The following SMAD6 variants were observed in gnomAD, a reference collection of about 807,000 sequenced individuals.
SMAD6 encodes MAD homolog 6.
SMAD6 carries 103 observed loss-of-function variants against 39.4 expected under a neutral mutation model. That is an observed-to-expected ratio of 2.62 (90% CI 2.23 to 3.08). SMAD6 has a LOEUF of 3.08. Among genes scored for constraint, SMAD6 ranks in the 30% most tolerant of loss-of-function variants. The pLI, the probability that SMAD6 is intolerant of heterozygous loss-of-function variation, is 0.00. For synonymous variants in SMAD6, 445 were observed against 353.3 expected, an observed-to-expected ratio of 1.26 and a Z score of -2.91; for missense variants, 1,104 against 742.9, an observed-to-expected ratio of 1.49 and a Z score of -5.65.
rs571670556 is a variant in SMAD6 at position 66,726,564 on chromosome 15, G to T, written c.952+10066G>T. On this transcript the variant is annotated intron_variant, in intron 3 of 3. Transcript: ENST00000288840. The stretch of plus-strand genomic sequence containing the variant: ...AGACCCTGTCTCCTGCTACCTGGCT[G>T]CCCAGCTGTCTTAGCTGCATTCTCC... 6.6e-5 allele frequency among the ~76,000 whole-genome samples: 10 copies of T among 152,310 alleles called. No homozygotes were observed. In the East Asian group the frequency reaches 1.9e-3, roughly 29 times the overall value.
intron 3 of SMAD6, among the ~76,000 whole-genome samples, 192 bp downstream of exon 3, chr15:66,716,690 T>C (rs946910003): frequency 3.3e-5 from 5 of 152,204 alleles, no homozygotes; most frequent in Non-Finnish European, 7.3e-5. Flanking sequence ...TCTGTATGAG[T>C]GAAACCTGAA....
At chr15:66,760,682 G>T (rs767670992) in intron 3 of SMAD6, among the ~76,000 whole-genome samples, 16 of 152,142 alleles carry the variant, frequency 1.1e-4, no homozygotes, top group African/African-American at 3.9e-4. Flanking sequence ...CCACAGGGAG[G>T]TGCACACTGT....
chr15:66,778,050 C>T (rs1346417152), intron 3 of SMAD6, among the ~76,000 whole-genome samples: 2 of 151,450 alleles, frequency 1.3e-5, no homozygotes, highest in African/African-American at 4.9e-5. Flanking sequence ...GGAAGTCCCA[C>T]CTGTCCTTGA....
intron 2 of SMAD6, among the ~76,000 whole-genome samples, chr15:66,714,337 G>A (rs1337817025): frequency 6.6e-6 from 1 of 151,982 alleles, no homozygotes; most frequent in African/African-American, 2.4e-5. Context: ...CCCACCACCT[G>A]TTTTTATATG....
chr15:66,763,213 C>G (rs939435875), intron 3 of SMAD6, among the ~76,000 whole-genome samples: 2 of 152,330 alleles, frequency 1.3e-5, no homozygotes, highest in Non-Finnish European at 2.9e-5. Context: ...GCCTGACTCC[C>G]TGCCCAAGGT....
rs769605183 is a variant in SMAD6 at position 66,703,331 on chromosome 15, GGCGGCA to G, written c.79_84del (p.Ser27_Gly28del). ...TCGTGTGGTCCCCGACCGGGAGGAAGGCGGCAGCGGCGGCGGCGGTGGCGGCGACGA... is the reference window on the plus strand; with the variant it reads ...TCGTGTGGTCCCCGACCGGGAGGAAGGCGGCGGCGGCGGTGGCGGCGACGA... On this transcript the variant is annotated inframe_deletion, in exon 1 of 4. Coordinates refer to ENST00000288840, the MANE Select transcript of SMAD6 (RefSeq NM_005585.5). The G allele has an allele frequency of 5.5e-4, 822 of 1,485,660 alleles. No homozygotes were observed. The highest frequency in any genetic ancestry group is 9.1e-4 in the Admixed American group (38 of 41,978). The allele number at this position is 1,485,660 out of a possible 1,614,324, so 92.0% of individuals were successfully genotyped here. A position where few individuals can be genotyped will look rare whatever the true frequency, so the allele number is the denominator to read the frequency against.
intron 3 of SMAD6, among the ~76,000 whole-genome samples, chr15:66,780,460 T>G (rs909361725): frequency 9.2e-5 from 14 of 152,176 alleles, no homozygotes; most frequent in African/African-American, 3.1e-4. Flanking sequence ...TCTGTCAGGT[T>G]GAGACTTGGA....
rs776151817 is a variant in SMAD6 at position 66,703,234 on chromosome 15, C to T, written c.-25C>T. On this transcript the variant is annotated 5_prime_UTR_variant, in exon 1 of 4. Coordinates refer to ENST00000288840, the MANE Select transcript of SMAD6 (RefSeq NM_005585.5). ...CGGTAACCGGAGACCGCCTCCCCCC[C>T]ACCCCTGGCGCCAAAGGATATCGTA... is the stretch of plus-strand genomic sequence containing the variant. The T allele has an allele frequency of 1.8e-4, 240 of 1,366,558 alleles. No individual in the cohort carries two copies. Among genetic ancestry groups the T allele is most frequent in the Non-Finnish European group, 2.0e-4 (213 of 1,052,296 alleles). The allele number at this position is 1,366,558 out of a possible 1,614,324, so 84.7% of individuals were successfully genotyped here. A position where few individuals can be genotyped will look rare whatever the true frequency, so the allele number is the denominator to read the frequency against.
At chr15:66,708,041 C>G (rs1198003263) in intron 1 of SMAD6, 1 of 152,340 alleles carries the variant, frequency 6.6e-6, no homozygotes, top group East Asian at 1.9e-4. Context: ...GGTGCACTGG[C>G]CCCTGGCTGA....
intron 3 of SMAD6, among the ~76,000 whole-genome samples, chr15:66,756,350 C>T (rs949375937): frequency 6.6e-6 from 1 of 152,094 alleles, no homozygotes; most frequent in Non-Finnish European, 1.5e-5. Context: ...CAGGCCAGCC[C>T]GTGGCTTTTC....
intron 3 of SMAD6, among the ~76,000 whole-genome samples, chr15:66,744,953 T>C (rs1893882282): frequency 6.6e-6 from 1 of 152,174 alleles, no homozygotes. Flanking sequence ...TTGCCAAGAA[T>C]CTGGGTGCCT....
Position 66,781,536 on chromosome 15 carries a change from T to C in SMAD6, c.*1T>C. On this transcript the variant is annotated 3_prime_UTR_variant, in exon 4 of 4. Transcript: ENST00000288840. ...GATCCTCCTCAACAACCCCAGATAG[T>C]GGCGGCCCCGGCGGGAGGGGCGGGT... is the stretch of plus-strand genomic sequence containing the variant. The C allele has an allele frequency of 8.9e-7, 1 of 1,123,092 alleles. No individual in the cohort carries two copies. The highest frequency in any genetic ancestry group is 1.2e-6 in the Non-Finnish European group (1 of 831,732). The allele number at this position is 1,123,092 out of a possible 1,614,324, so 69.6% of individuals were successfully genotyped here.
At chr15:66,735,952 G>A (rs1595778553) in intron 3 of SMAD6, among the ~76,000 whole-genome samples, 2 of 152,206 alleles carry the variant, frequency 1.3e-5, no homozygotes, top group Admixed American at 6.5e-5. Context: ...CGGTATCCGC[G>A]ACATGGGTGT....
In SMAD6 at chr15:66,781,400, C is replaced by T. The variant is rs1266588396; in HGVS notation, c.1356C>T (p.Pro452=). The change falls in exon 4 of 4, where the codon CCC becomes CCT. Residue 452 remains proline (P), a synonymous_variant. Coordinates refer to ENST00000288840, the MANE Select transcript of SMAD6 (RefSeq NM_005585.5). ...ERSGLQHAPE[P]DAADGPYDPN... is the part of the protein sequence containing the mutation. ...CGGGCCTGCAGCACGCGCCCGAGCC[C>T]GACGCCGCCGACGGCCCCTACGACC... 1.2e-5 allele frequency: 20 copies of T among 1,602,712 alleles called. No individual in the cohort carries two copies. The highest frequency in any genetic ancestry group is 2.2e-5 in the South Asian group (2 of 90,944).
At chr15:66,716,930 C>T (rs950892003) in intron 3 of SMAD6, 6 of 1,236,346 alleles carry the variant, frequency 4.9e-6, no homozygotes, top group Non-Finnish European at 6.3e-6. Context: ...GGAATTGGAG[C>T]CGGTTGAATG....
chr15:66,767,542 TGCACAGTA>T (rs1359769489), intron 3 of SMAD6, among the ~76,000 whole-genome samples: 5 of 152,152 alleles, frequency 3.3e-5, no homozygotes, highest in Non-Finnish European at 5.9e-5. Context: ...TCAACTTGCC[TGCACAGTA>T]GCACAGTCAC....
At chr15:66,713,597 C>T (rs1893273233) in intron 2 of SMAD6, among the ~76,000 whole-genome samples, 1 of 152,218 alleles carries the variant, frequency 6.6e-6, no homozygotes, top group South Asian at 2.1e-4. Context: ...GGATTACAGG[C>T]GTGAGCCACT....
chr15:66,743,141 C>G (rs1388673405), intron 3 of SMAD6, among the ~76,000 whole-genome samples: 1 of 152,168 alleles, frequency 6.6e-6, no homozygotes, highest in African/African-American at 2.4e-5. Flanking sequence ...GATGCTCCCA[C>G]CAGCCAGAGA....
At chr15:66,772,306 T>C (rs1894392885) in intron 3 of SMAD6, among the ~76,000 whole-genome samples, 1 of 152,240 alleles carries the variant, frequency 6.6e-6, no homozygotes, top group East Asian at 1.9e-4. Flanking sequence ...CTCCCTCATC[T>C]TAAGATGGGA....
Sources: allele counts gnomAD v4.1 joint callset (sites outside exome capture counted in the v4.1 genomes callset), GRCh38; gene constraint gnomAD v4.1.1; transcripts MANE v1.5; gene names NCBI Gene and HGNC (gene_info 2026-07-23, HGNC 2026-07-21).